FCRL3: variants seen among roughly 807,000 people sequenced by gnomAD.
FCRL3 encodes the protein Fc receptor like 3, also known as Fc receptor-like protein 3.
In FCRL3, 89 loss-of-function variants were observed where a neutral mutation model predicts 75.0. The ratio of observed to expected loss-of-function variants is 1.19; its 90% CI spans 1.00 to 1.42. FCRL3 has a LOEUF of 1.42. Ranked by LOEUF, FCRL3 falls within the 40% of genes most tolerant of loss-of-function variation. The pLI, the probability that FCRL3 is intolerant of heterozygous loss-of-function variation, is 0.00. For missense variants in FCRL3, 946 were observed against 880.0 expected (o/e 1.07, Z -0.95); for synonymous variants, 376 against 348.5 (o/e 1.08, Z -0.88).
chr1:157,688,586 G>A lies in FCRL3; in HGVS notation c.1810+1212C>T, dbSNP rs569641147. ...AGAAACATTATCAATCAAATTCACT[G>A]GCAGGCAGTCATACTGTAAGAAATG... On this transcript the variant is annotated intron_variant, in intron 10 of 14. Coordinates refer to ENST00000368184, the MANE Select transcript of FCRL3 (RefSeq NM_052939.4). Among the ~76,000 whole-genome samples the A allele has an allele frequency of 6.9e-4, 105 of 151,106 alleles. 1 individual carries two copies. The highest frequency in any genetic ancestry group is 2.5e-4 in the Non-Finnish European group (17 of 67,836).
intron 7 of FCRL3, 30 bp from the exon 8 acceptor site, chr1:157,695,637 T>A: frequency 1.3e-6 from 2 of 1,567,066 alleles, no homozygotes; most frequent in Non-Finnish European, 1.7e-6. Context: ...TGTCAGAGGA[T>A]TCTGACGTTG....
chr1:157,683,140 A>T lies in FCRL3; in HGVS notation c.1838+77T>A, dbSNP rs373001148. ...GCTACTAGGAAATCCATTGAAATTT[A>T]AAAAAAAACATAAACAAGTCTCGTG... On this transcript the variant is annotated intron_variant, in intron 11 of 14. Transcript: ENST00000368184. 147 of 798,120 alleles carry T rather than the reference A, an allele frequency of 1.8e-4. No individual in the cohort carries two copies. In the African/African-American group the frequency reaches 2.7e-3, roughly 15 times the overall value. The allele number at this position is 798,120 out of a possible 1,614,324, so 49.4% of individuals were successfully genotyped here.
intron 8 of FCRL3, among the ~76,000 whole-genome samples, chr1:157,690,849 G>C (rs1167234295): frequency 1.3e-5 from 2 of 152,004 alleles, no homozygotes; most frequent in Admixed American, 6.6e-5. Context: ...TAAAAATATA[G>C]CTAAAATCAA....
At position 157,697,278 on chromosome 1, in the gene FCRL3, C is replaced by A. The variant is rs373477619; in HGVS notation, c.706G>T (p.Gly236Ter). ...CTGGGGGACCTGCTCCAGCCCAATC[C>A]GAGGGTCTGGCTATCTCTGAAGAGG... ...FSLFRDSQTL[G>*]LGWSRSPRLQ... is the part of the protein sequence containing the mutation. The change falls in exon 6 of 15, where the codon GGA becomes TGA. Residue 236 changes from glycine (G) to a stop codon, truncating the protein, a stop_gained. Coordinates refer to ENST00000368184, the MANE Select transcript of FCRL3 (RefSeq NM_052939.4). LOFTEE classifies it high-confidence loss of function. The A allele has an allele frequency of 1.8e-5, 29 of 1,612,296 alleles. No homozygotes were observed. The highest frequency in any genetic ancestry group is 2.2e-5 in the Non-Finnish European group (26 of 1,178,948).
At chr1:157,699,921 T>C (rs193270729) in intron 2 of FCRL3, among the ~76,000 whole-genome samples, 1 of 152,322 alleles carries the variant, frequency 6.6e-6, no homozygotes, top group Admixed American at 6.5e-5. Flanking sequence ...CTGCTATTAT[T>C]TACTTGGCCA....
At chr1:157,690,228 C>T (rs753090636) in intron 9 of FCRL3, 27 bp downstream of exon 9, 24 of 1,610,548 alleles carry the variant, frequency 1.5e-5, no homozygotes, top group South Asian at 3.3e-5. Context: ...ATAACTGTGA[C>T]CTCTAGCCCA....
intron 11 of FCRL3, among the ~76,000 whole-genome samples, chr1:157,682,037 T>C (rs933525344): frequency 4.6e-5 from 7 of 152,204 alleles, no homozygotes; most frequent in African/African-American, 1.7e-4. Context: ...TGCATAAATG[T>C]CTTCTTTTGA....
Position 157,695,624 on chromosome 1 carries a change from G to A in FCRL3, c.1133-17C>T. ...ATACCGGAACTGAAGGAGACAAAAG[G>A]GCTGTCAGAGGATTCTGACGTTGTG... On this transcript the variant is annotated splice_polypyrimidine_tract_variant and intron_variant, in intron 7 of 14. Transcript: ENST00000368184. 5.7e-6 allele frequency: 9 copies of A among 1,578,992 alleles called. No homozygotes were observed. Among genetic ancestry groups the A allele is most frequent in the Non-Finnish European group, 7.7e-6 (9 of 1,163,886 alleles).
Position 157,700,523 on chromosome 1 carries a change from G to A in FCRL3, c.-34C>T, listed in dbSNP as rs1234085750. On this transcript the variant is annotated 5_prime_UTR_variant, in exon 2 of 15. Transcript: ENST00000368184. Reference sequence around the variant, plus strand: ...GCCGGGCAGAGGGTTGGGAAAGTCTGTCTCACCAAAAGCCCGACTTATCTC... The same window carrying A: ...GCCGGGCAGAGGGTTGGGAAAGTCTATCTCACCAAAAGCCCGACTTATCTC... The A allele has an allele frequency of 1.9e-6, 3 of 1,613,942 alleles. No homozygotes were observed. The highest frequency in any genetic ancestry group is 3.3e-5 in the Admixed American group (2 of 60,002).
intron 10 of FCRL3, among the ~76,000 whole-genome samples, chr1:157,687,526 G>C (rs993928602): frequency 7.0e-6 from 1 of 143,874 alleles, no homozygotes; most frequent in Admixed American, 7.5e-5. Flanking sequence ...CAAAGATATG[G>C]TATCAATCTA....
chr1:157,697,467 A>C, intron 5 of FCRL3, 43 bp from the exon 6 acceptor site: 1 of 1,518,278 alleles, frequency 6.6e-7, no homozygotes, highest in Non-Finnish European at 8.8e-7. Context: ...GGTGAGGCTC[A>C]GAGTTCCTAG....
At chr1:157,686,784 T>G (rs1335889484) in intron 10 of FCRL3, among the ~76,000 whole-genome samples, 2 of 152,060 alleles carry the variant, frequency 1.3e-5, no homozygotes, top group African/African-American at 4.8e-5. Flanking sequence ...ATACAAAACT[T>G]AATTCAGGAT....
At position 157,695,483 on chromosome 1, in the gene FCRL3, AT is replaced by A. The variant is rs752259956; in HGVS notation, c.1256del (p.His419LeufsTer23). The A allele has an allele frequency of 1.9e-6, 3 of 1,614,070 alleles. No homozygotes were observed. The highest frequency in any genetic ancestry group is 1.3e-5 in the African/African-American group (1 of 74,918). ...AGCTGTTCCCCAGGGTGACATCCTC[AT>A]GATAAAATCGGTACAGGATCGGGGG... Reference protein sequence around the residue: ...GSPPILYRFYHEDVTLGNSSA... With the variant: ...GSPPILYRFYXEDVTLGNSSA... On this transcript the variant is annotated frameshift_variant, in exon 8 of 15. Transcript: ENST00000368184. LOFTEE classifies it high-confidence loss of function.
intron 8 of FCRL3, among the ~76,000 whole-genome samples, chr1:157,691,498 C>T (rs1161135549): frequency 6.6e-6 from 1 of 152,174 alleles, no homozygotes; most frequent in African/African-American, 2.4e-5. Context: ...AATGATTAAA[C>T]TTGAAAATGA....
chr1:157,696,476 G>T (rs1035451964), intron 6 of FCRL3, 149 bp from the exon 7 acceptor site: 3 of 717,728 alleles, frequency 4.2e-6, no homozygotes, highest in East Asian at 5.4e-5. Flanking sequence ...TTGTGTATAC[G>T]ATTATAAAGG....
intron 2 of FCRL3, among the ~76,000 whole-genome samples, chr1:157,700,243 G>A (rs1299645014): frequency 2.0e-5 from 3 of 152,206 alleles, no homozygotes; most frequent in Non-Finnish European, 4.4e-5. Context: ...GGTGAGAAAA[G>A]CAGTGGGTGA....
intron 10 of FCRL3, among the ~76,000 whole-genome samples, chr1:157,684,233 A>G (rs766150844): frequency 3.4e-4 from 52 of 152,178 alleles, no homozygotes; most frequent in Non-Finnish European, 6.8e-4. Context: ...GCTTGCCCCA[A>G]TACAAGCCTT....
chr1:157,696,025 G>C lies in FCRL3; in HGVS notation c.1132+15C>G. ...GCTTGCAACTCGAGGCTGTGTGAAA[G>C]GAATCGGAACTTACTTCTCACGGTG... On this transcript the variant is annotated intron_variant, in intron 7 of 14. Transcript: ENST00000368184. The C allele has an allele frequency of 6.3e-7, 1 of 1,598,368 alleles. No individual in the cohort carries two copies. Among genetic ancestry groups the C allele is most frequent in the Non-Finnish European group, 8.5e-7 (1 of 1,172,094 alleles).
At chr1:157,697,989 T>G (rs896684049) in intron 4 of FCRL3, 70 bp from the exon 5 acceptor site, 2 of 1,536,778 alleles carry the variant, frequency 1.3e-6, no homozygotes, top group African/African-American at 2.7e-5. Flanking sequence ...TTTCCACCCA[T>G]GAGGCAAGAG....
Sources: gnomAD v4.1 joint callset for allele counts (sites outside exome capture counted in the v4.1 genomes callset) on GRCh38, gnomAD v4.1.1 for gene constraint, MANE v1.5 for transcripts, NCBI Gene and HGNC (gene_info 2026-07-23, HGNC 2026-07-21) for gene names.